Variants in VPS13B observed in about 807,000 individuals in gnomAD.
VPS13B encodes the protein vacuolar protein sorting 13 homolog B, also known as intermembrane lipid transfer protein VPS13B.
A neutral mutation model predicts 426.4 loss-of-function variants in VPS13B; 285 were observed. The ratio of observed to expected loss-of-function variants is 0.67; its 90% confidence interval spans 0.61 to 0.74. VPS13B has a LOEUF of 0.74. Among genes scored for constraint, VPS13B ranks in the 30% least tolerant of loss-of-function variants. The pLI, the probability that VPS13B is intolerant of heterozygous loss-of-function variation, is 0.00. For synonymous variants in VPS13B, 1,676 were observed against 1,676.4 expected (o/e 1.00, Z 0.01); for missense variants, 4,537 against 4,782.6 (o/e 0.95, Z 1.51).
chr8:99,689,087 TA>T (rs1831538755), intron 35 of VPS13B, among the ~76,000 whole-genome samples: 1 of 152,062 alleles, frequency 6.6e-6, no homozygotes, highest in South Asian at 2.1e-4. Context: ...CGGTAAAGAA[TA>T]ATGAGATAAT....
At chr8:99,744,292 T>C (rs1203719541) in intron 39 of VPS13B, among the ~76,000 whole-genome samples, 2 of 152,132 alleles carry the variant, frequency 1.3e-5, no homozygotes, top group African/African-American at 4.8e-5. Flanking sequence ...CCAGCTAGAA[T>C]GGTGATCATT....
At chr8:99,768,171 C>T (rs1296457841) in intron 40 of VPS13B, among the ~76,000 whole-genome samples, 1 of 152,192 alleles carries the variant, frequency 6.6e-6, no homozygotes, top group African/African-American at 2.4e-5. Context: ...TGAGGCTATG[C>T]TGTTCATTGC....
At chr8:99,595,352 G>A (rs1277792611) in intron 33 of VPS13B, among the ~76,000 whole-genome samples, 1 of 151,866 alleles carries the variant, frequency 6.6e-6, no homozygotes, top group Non-Finnish European at 1.5e-5. Flanking sequence ...TTTTGACAAG[G>A]TAGTCTAGAT....
At chr8:99,844,613 G>A (rs892442258) in intron 54 of VPS13B, among the ~76,000 whole-genome samples, 5 of 151,804 alleles carry the variant, frequency 3.3e-5, no homozygotes, top group Non-Finnish European at 7.4e-5. Flanking sequence ...CAGGCAATCC[G>A]CCCGCCTCAG....
chr8:99,815,160 A>C (rs1385278252), intron 44 of VPS13B, among the ~76,000 whole-genome samples: 1 of 151,956 alleles, frequency 6.6e-6, no homozygotes, highest in Non-Finnish European at 1.5e-5. Context: ...GATTTATTAT[A>C]AATTGACTCG....
At chr8:99,044,302 C>G (rs3922710) in intron 3 of VPS13B, among the ~76,000 whole-genome samples, 111,137 of 151,254 alleles carry the variant, frequency 0.73, 41,567 homozygotes, top group South Asian at 0.87. Flanking sequence ...CCAGGATGGT[C>G]TCTATCTCCT....
At chr8:99,663,365 A>G (rs1198875263) in intron 35 of VPS13B, among the ~76,000 whole-genome samples, 1 of 152,198 alleles carries the variant, frequency 6.6e-6, no homozygotes, top group Non-Finnish European at 1.5e-5. Context: ...TAATCTTGAT[A>G]AACTCTAGAT....
At chr8:99,402,377 T>A (rs545310051) in intron 21 of VPS13B, among the ~76,000 whole-genome samples, 1 of 152,282 alleles carries the variant, frequency 6.6e-6, no homozygotes, top group South Asian at 2.1e-4. Flanking sequence ...GGTTTTATAT[T>A]CCATGGTGAT....
At chr8:99,118,171 A>G (rs1847765210) in intron 7 of VPS13B, among the ~76,000 whole-genome samples, 1 of 152,198 alleles carries the variant, frequency 6.6e-6, no homozygotes, top group African/African-American at 2.4e-5. Flanking sequence ...GAAAAGCTGT[A>G]AGAGTTATTA....
intron 31 of VPS13B, among the ~76,000 whole-genome samples, chr8:99,568,384 G>A (rs932064726): frequency 2.6e-5 from 4 of 151,312 alleles, no homozygotes; most frequent in African/African-American, 7.3e-5. Context: ...TCTGCCTCCC[G>A]GGTTCAAGCG....
At chr8:99,370,497 G>T (rs1217010824) in intron 19 of VPS13B, among the ~76,000 whole-genome samples, 1 of 151,798 alleles carries the variant, frequency 6.6e-6, no homozygotes, top group Non-Finnish European at 1.5e-5. Context: ...GAGAAGTTTG[G>T]ATTTAATTTA....
chr8:99,391,592 T>C lies in VPS13B; in HGVS notation c.2970T>C (p.Val990=), dbSNP rs747512217. The C allele has an allele frequency of 1.7e-5, 27 of 1,614,082 alleles. No individual in the cohort carries two copies. Among genetic ancestry groups the C allele is most frequent in the Non-Finnish European group, 8.5e-7 (1 of 1,180,024 alleles). The change falls in exon 21 of 62, where the codon GTT becomes GTC. Residue 990 remains valine (V), a synonymous_variant. Coordinates refer to ENST00000357162, the MANE Select transcript of VPS13B (RefSeq NM_152564.5). ...PVVAVPLVMP[V]CRRKEDEVSI... ...TAGCTGTTCCTCTTGTTATGCCAGT[T>C]TGTAGAAGGAAAGAGGATGAGGTGT...
At chr8:99,135,283 T>G (rs1588075681) in intron 10 of VPS13B, 146 bp downstream of exon 10, 1 of 1,287,830 alleles carries the variant, frequency 7.8e-7, no homozygotes. Context: ...GTGTTTCACC[T>G]GCCAGAAATT....
At chr8:99,121,636 T>A (rs1024728159) in intron 8 of VPS13B, 191 bp downstream of exon 8, 1 of 1,373,956 alleles carries the variant, frequency 7.3e-7, no homozygotes, top group African/African-American at 1.5e-5. Context: ...CCTTCCTGTC[T>A]TCTTAGGGCA....
At chr8:99,743,148 G>T (rs1225220750) in intron 39 of VPS13B, among the ~76,000 whole-genome samples, 2 of 152,122 alleles carry the variant, frequency 1.3e-5, no homozygotes, top group Non-Finnish European at 2.9e-5. Flanking sequence ...CAAAATCACT[G>T]TGCAAAAATC....
At chr8:99,704,957 C>T (rs1832436998) in intron 36 of VPS13B, among the ~76,000 whole-genome samples, 1 of 151,868 alleles carries the variant, frequency 6.6e-6, no homozygotes, top group African/African-American at 2.4e-5. Flanking sequence ...TTCTATAGTC[C>T]CTGAGGTAGA....
chr8:99,760,955 A>G (rs901611390), intron 39 of VPS13B, among the ~76,000 whole-genome samples: 1 of 152,236 alleles, frequency 6.6e-6, no homozygotes, highest in Non-Finnish European at 1.5e-5. Context: ...GCAGCATTTT[A>G]TATCAGGGAC....
intron 31 of VPS13B, among the ~76,000 whole-genome samples, chr8:99,561,597 T>C (rs926994551): frequency 3.3e-5 from 5 of 152,208 alleles, no homozygotes; most frequent in Non-Finnish European, 7.3e-5. Flanking sequence ...TTCAGTGTTT[T>C]GGTATAAGCT....
intron 17 of VPS13B, among the ~76,000 whole-genome samples, chr8:99,207,574 A>G (rs534151004): frequency 1.3e-5 from 2 of 152,302 alleles, no homozygotes; most frequent in Admixed American, 1.3e-4. Context: ...ATTTTATTGG[A>G]TATTTGAAAA....
Sources: gnomAD v4.1 joint callset for allele counts (sites outside exome capture counted in the v4.1 genomes callset) on GRCh38, gnomAD v4.1.1 for gene constraint, MANE v1.5 for transcripts, NCBI Gene and HGNC (gene_info 2026-07-23, HGNC 2026-07-21) for gene names.